The following HCN1 variants were observed in gnomAD, a reference collection of about 807,000 sequenced individuals.
HCN1 encodes the protein hyperpolarization activated cyclic nucleotide gated potassium channel 1.
In HCN1, 13 loss-of-function variants were observed where a neutral mutation model predicts 78.9. The observed-to-expected ratio is 0.16, with a 90% confidence interval of 0.11 to 0.26. HCN1 has a LOEUF of 0.26. Among genes scored for constraint, HCN1 ranks in the 10% least tolerant of loss-of-function variants. HCN1 has a pLI of 1.00. For synonymous variants in HCN1, 552 were observed against 455.5 expected (o/e 1.21, Z -2.70); for missense variants, 810 against 1,154.3 (o/e 0.70, Z 4.32).
Position 45,297,289 on chromosome 5 carries a change from G to A in HCN1, c.1618+6310C>T, listed in dbSNP as rs187048989. Among the ~76,000 whole-genome samples the A allele has an allele frequency of 7.2e-4, 109 of 152,184 alleles. 1 individual carries two copies. In the East Asian group the frequency reaches 0.013, roughly 18 times the overall value. ...TTGTGGCTTAAGAATGCCTTTAGGC[G>A]GTTTCCACCCTGGGCGGGCCAGGTG... On this transcript the variant is annotated intron_variant, in intron 6 of 7. Coordinates refer to ENST00000303230, the MANE Select transcript of HCN1 (RefSeq NM_021072.4).
intron 2 of HCN1, among the ~76,000 whole-genome samples, chr5:45,625,202 C>A (rs1406823109): frequency 1.3e-5 from 2 of 151,976 alleles, no homozygotes; most frequent in Non-Finnish European, 2.9e-5. Context: ...ACTTGGGAGA[C>A]TGAGGTGGGA....
intron 2 of HCN1, among the ~76,000 whole-genome samples, chr5:45,619,637 G>A (rs80324452): frequency 0.078 from 11,783 of 151,308 alleles, 598 homozygotes; most frequent in Middle Eastern, 0.15. Flanking sequence ...AAGAAATGAG[G>A]GAGATAGAAA....
chr5:45,376,206 A>G (rs1276202935), intron 4 of HCN1, among the ~76,000 whole-genome samples: 1 of 117,546 alleles, frequency 8.5e-6, no homozygotes, highest in Non-Finnish European at 1.6e-5. Context: ...AACATATTTT[A>G]TATATAATAC....
chr5:45,627,560 C>T (rs777917476), intron 2 of HCN1, among the ~76,000 whole-genome samples: 14 of 152,138 alleles, frequency 9.2e-5, no homozygotes, highest in Non-Finnish European at 1.6e-4. Context: ...TGCTGTAACA[C>T]AACCCTGAAA....
intron 2 of HCN1, among the ~76,000 whole-genome samples, chr5:45,581,401 T>C (rs1744070165): frequency 6.6e-6 from 1 of 152,188 alleles, no homozygotes; most frequent in Non-Finnish European, 1.5e-5. Flanking sequence ...TTTGAGTTCT[T>C]TGTAGATTCT....
intron 4 of HCN1, among the ~76,000 whole-genome samples, chr5:45,395,339 C>T (rs1378864813): frequency 2.6e-5 from 4 of 152,152 alleles, no homozygotes; most frequent in Admixed American, 2.6e-4. Context: ...TATAAAGTCT[C>T]TTCTTCCTTA....
intron 2 of HCN1, among the ~76,000 whole-genome samples, chr5:45,632,950 C>A (rs1021975316): frequency 1.7e-4 from 26 of 151,942 alleles, no homozygotes; most frequent in Admixed American, 6.6e-5. Flanking sequence ...GTTGGTCATG[C>A]AAGTGCCTGA....
intron 2 of HCN1, among the ~76,000 whole-genome samples, chr5:45,572,449 G>A (rs1743855237): frequency 6.6e-6 from 1 of 151,990 alleles, no homozygotes; most frequent in African/African-American, 2.4e-5. Flanking sequence ...TCTGCTCAGG[G>A]CTAATAATAT....
chr5:45,350,274 T>G lies in HCN1; in HGVS notation c.1377+2826A>C, dbSNP rs536783404. On this transcript the variant is annotated intron_variant, in intron 5 of 7. Transcript: ENST00000303230. ...AATAAACAGAACCAAAGACAAAAAC[T>G]ACATGATTATCTCAATAGATGCAGA... Among the ~76,000 whole-genome samples the G allele has an allele frequency of 1.5e-4, 23 of 152,006 alleles. No individual in the cohort carries two copies. In the East Asian group the frequency reaches 4.5e-3, roughly 29 times the overall value.
intron 2 of HCN1, among the ~76,000 whole-genome samples, chr5:45,486,921 T>C (rs1741775466): frequency 6.6e-6 from 1 of 152,126 alleles, no homozygotes; most frequent in Non-Finnish European, 1.5e-5. Flanking sequence ...TGTTAGGTGG[T>C]AAATTAGATG....
intron 2 of HCN1, among the ~76,000 whole-genome samples, chr5:45,524,520 T>C (rs1017822151): frequency 1.3e-5 from 2 of 151,840 alleles, no homozygotes; most frequent in South Asian, 2.1e-4. Context: ...ATTTGTATCC[T>C]CTTTTATTTC....
chr5:45,312,794 C>T (rs887538106), intron 5 of HCN1, among the ~76,000 whole-genome samples: 6 of 152,158 alleles, frequency 3.9e-5, no homozygotes, highest in African/African-American at 1.4e-4. Flanking sequence ...GAGATAGAAT[C>T]GCAAGGTGGC....
intron 2 of HCN1, among the ~76,000 whole-genome samples, chr5:45,563,509 T>C (rs1030360780): frequency 1.3e-5 from 2 of 151,964 alleles, no homozygotes; most frequent in Non-Finnish European, 2.9e-5. Context: ...CCCTATAACA[T>C]TTCATTTATG....
intron 2 of HCN1, among the ~76,000 whole-genome samples, chr5:45,608,353 G>A (rs1038188327): frequency 7.4e-6 from 1 of 134,590 alleles, no homozygotes; most frequent in South Asian, 2.6e-4. Flanking sequence ...GGTAGGATGG[G>A]TGTATGTGTG....
At position 45,448,419 on chromosome 5, in the gene HCN1, A is replaced by G. The variant is rs113410012; in HGVS notation, c.1011+13427T>C. On this transcript the variant is annotated intron_variant, in intron 3 of 7. Coordinates refer to ENST00000303230, the MANE Select transcript of HCN1 (RefSeq NM_021072.4). ...AAAAGTATTCCACTAACATTCTGTC[A>G]TTTATGTGGATCCCAAATGGAGGGT... Among the ~76,000 whole-genome samples the G allele has an allele frequency of 9.0e-3, 1,375 of 152,322 alleles. 21 individuals are homozygous for G. Among genetic ancestry groups the G allele is most frequent in the African/African-American group, 0.032 (1,318 of 41,576 alleles).
At chr5:45,667,492 A>T (rs1025186052) in intron 1 of HCN1, among the ~76,000 whole-genome samples, 2 of 152,036 alleles carry the variant, frequency 1.3e-5, no homozygotes, top group Non-Finnish European at 2.9e-5. Context: ...AAGAAAAGTA[A>T]TGAGTTGAAA....
chr5:45,347,361 A>C (rs542515169), intron 5 of HCN1, among the ~76,000 whole-genome samples: 1 of 152,262 alleles, frequency 6.6e-6, no homozygotes, highest in South Asian at 2.1e-4. Context: ...CCAAAAACCC[A>C]TCTGTACATC....
intron 4 of HCN1, among the ~76,000 whole-genome samples, chr5:45,373,540 G>A (rs536618103): frequency 2.5e-4 from 34 of 134,996 alleles, no homozygotes; most frequent in Middle Eastern, 0.023. Flanking sequence ...ACATTATATA[G>A]GTCATCTATA....
chr5:45,284,382 C>T (rs780932041), intron 6 of HCN1, among the ~76,000 whole-genome samples: 11 of 151,944 alleles, frequency 7.2e-5, no homozygotes, highest in African/African-American at 1.2e-4. Context: ...TTTGAAATAT[C>T]TTAGAGGTAA....
Sources: allele counts gnomAD v4.1 joint callset (sites outside exome capture counted in the v4.1 genomes callset), GRCh38; gene constraint gnomAD v4.1.1; transcripts MANE v1.5; gene names NCBI Gene and HGNC (gene_info 2026-07-23, HGNC 2026-07-21).